The following ZDHHC21 variants were observed in gnomAD, a reference collection of about 807,000 sequenced individuals.
The protein encoded by ZDHHC21 is zDHHC palmitoyltransferase 21, also known as palmitoyltransferase ZDHHC21.
In ZDHHC21, 15 loss-of-function variants were observed where a neutral mutation model predicts 34.6. That is an observed-to-expected ratio of 0.43 (90% confidence interval 0.29 to 0.67). The LOEUF (loss-of-function observed/expected upper bound fraction) is 0.67, where lower values mean the gene tolerates loss of function less well. ZDHHC21 is among the 30% of genes least tolerant of loss of function. ZDHHC21 has a pLI of 0.14. For synonymous variants in ZDHHC21, 142 were observed against 101.8 expected, an observed-to-expected ratio of 1.40 and a Z score of -2.38; for missense variants, 344 against 327.7, an observed-to-expected ratio of 1.05 and a Z score of -0.38.
rs1287171303 is a variant in ZDHHC21 at position 14,615,193 on chromosome 9, C to T, written c.*3773G>A. On this transcript the variant is annotated 3_prime_UTR_variant, in exon 10 of 10. Coordinates refer to ENST00000380916, the MANE Select transcript of ZDHHC21 (RefSeq NM_178566.6). ...TTCCTGGTTTGAAGTGTTGTCCTAA[C>T]TTAAGTCTTCATGATTAGCATTCAG... 6.6e-6 allele frequency: 1 copy of T among 151,754 alleles called. No individual in the cohort carries two copies. Among genetic ancestry groups the T allele is most frequent in the South Asian group, 2.1e-4 (1 of 4,836 alleles). The allele number at this position is 151,754 out of a possible 1,614,324, so 9.4% of individuals were successfully genotyped here.
chr9:14,596,337 C>G, the ZDHHC21 span, among the ~76,000 whole-genome samples: 2 of 152,198 alleles, frequency 1.3e-5, no homozygotes. Context: ...CATGAGGCTG[C>G]GCCCCAAGCA....
At chr9:14,605,524 A>G in the ZDHHC21 span, among the ~76,000 whole-genome samples, 1 of 151,934 alleles carries the variant, frequency 6.6e-6, no homozygotes, top group Non-Finnish European at 1.5e-5. Flanking sequence ...CCATTATTTA[A>G]TCAGTCTTTA....
chr9:14,612,393 C>A lies in ZDHHC21; in HGVS notation c.*6573G>T, dbSNP rs965594090. 3.9e-5 allele frequency: 6 copies of A among 151,930 alleles called. No homozygotes were observed. The highest frequency in any genetic ancestry group is 1.4e-4 in the African/African-American group (6 of 41,384). 9.4% of individuals were successfully genotyped at this position (151,930 alleles called of 1,614,324 possible). A position where few individuals can be genotyped will look rare whatever the true frequency, so the allele number is the denominator to read the frequency against. On this transcript the variant is annotated 3_prime_UTR_variant, in exon 10 of 10. Coordinates refer to ENST00000380916, the MANE Select transcript of ZDHHC21 (RefSeq NM_178566.6). ...CATTTTAGCTGCAGTTGTAAGGACA[C>A]TGAGTGTTTTGAGAATTTTAAAGGG...
At chr9:14,604,105 T>C in the ZDHHC21 span, among the ~76,000 whole-genome samples, 2 of 152,270 alleles carry the variant, frequency 1.3e-5, no homozygotes, top group Non-Finnish European at 2.9e-5. Context: ...GAAAAACTCA[T>C]TACATAGGGT....
intron 5 of ZDHHC21, among the ~76,000 whole-genome samples, chr9:14,665,580 G>A (rs141120302): frequency 0.44 from 65,388 of 148,576 alleles, 14,697 homozygotes; most frequent in African/African-American, 0.54. Context: ...AGGAAAAAAT[G>A]TTAAGGGCAG....
chr9:14,659,298 T>C (rs962348947), intron 6 of ZDHHC21, among the ~76,000 whole-genome samples: 3 of 152,200 alleles, frequency 2.0e-5, no homozygotes, highest in Admixed American at 6.5e-5. Context: ...ATTCTAGCTG[T>C]GAAAAGCAAT....
At chr9:14,602,145 A>G in the ZDHHC21 span, among the ~76,000 whole-genome samples, 1 of 151,912 alleles carries the variant, frequency 6.6e-6, no homozygotes, top group Non-Finnish European at 1.5e-5. Flanking sequence ...TTAAAGTATA[A>G]TAATAATAAT....
intron 2 of ZDHHC21, among the ~76,000 whole-genome samples, chr9:14,680,663 T>C (rs528974185): frequency 6.6e-6 from 1 of 152,312 alleles, no homozygotes; most frequent in East Asian, 1.9e-4. Context: ...AAGTACTGTA[T>C]ATAACATATA....
Position 14,639,985 on chromosome 9 carries a change from C to T in ZDHHC21, c.532G>A (p.Ala178Thr). The T allele has an allele frequency of 6.2e-7, 1 of 1,603,142 alleles. No individual in the cohort carries two copies. Among genetic ancestry groups the T allele is most frequent in the Non-Finnish European group, 8.5e-7 (1 of 1,174,572 alleles). The change falls in exon 8 of 10, where the codon GCC becomes ACC. Residue 178 changes from alanine (A) to threonine (T), a missense_variant. Ala to Thr is a moderately conservative substitution (Grantham distance 58). Transcript: ENST00000380916. Reference sequence around the variant, plus strand: ...ATAAAGGCTGCTAGTCTCATTATGGCCAATTCATGTCTAAAAACAAAGAGG... The same window carrying T: ...ATAAAGGCTGCTAGTCTCATTATGGTCAATTCATGTCTAAAAACAAAGAGG... ...LDLFVFRHEL[A>T]IMRLAAFMGI...
chr9:14,679,167 T>A lies in ZDHHC21; in HGVS notation c.-46+866A>T, dbSNP rs149501034. Among the ~76,000 whole-genome samples, 91 of 152,214 alleles carry A rather than the reference T, an allele frequency of 6.0e-4. No homozygotes were observed. The Middle Eastern group carries it at 0.017, about 28-fold the overall frequency. Reference sequence around the variant, plus strand: ...TTACCTTTAAGAATCTGTAAACCAATACAGAGATCTAGTTAGCAATATGTA... The same window carrying A: ...TTACCTTTAAGAATCTGTAAACCAAAACAGAGATCTAGTTAGCAATATGTA... On this transcript the variant is annotated intron_variant, in intron 3 of 9. Transcript: ENST00000380916.
At position 14,613,597 on chromosome 9, in the gene ZDHHC21, T is replaced by A. The variant is rs539046181; in HGVS notation, c.*5369A>T. On this transcript the variant is annotated 3_prime_UTR_variant, in exon 10 of 10. Transcript: ENST00000380916. ...GCATCTTTGTTTATATATAAAGCTA[T>A]CGATACCAAAAAAATCAGTGTTGAA... is the stretch of plus-strand genomic sequence containing the variant. 3.3e-5 allele frequency: 5 copies of A among 151,810 alleles called. 1 individual carries two copies. The South Asian group carries it at 1.0e-3, about 31-fold the overall frequency. The allele number at this position is 151,810 out of a possible 1,614,324, so 9.4% of individuals were successfully genotyped here. A position where few individuals can be genotyped will look rare whatever the true frequency, so the allele number is the denominator to read the frequency against.
intron 2 of ZDHHC21, among the ~76,000 whole-genome samples, chr9:14,687,613 A>G (rs1262257325): frequency 6.6e-6 from 1 of 150,866 alleles, no homozygotes; most frequent in Non-Finnish European, 1.5e-5. Flanking sequence ...AGGAGGCAGA[A>G]GCCGCAGTGA....
chr9:14,632,804 T>C (rs10961626), intron 8 of ZDHHC21, among the ~76,000 whole-genome samples: 57,609 of 151,608 alleles, frequency 0.38, 11,280 homozygotes, highest in Non-Finnish European at 0.44. Context: ...TCCAAAGATA[T>C]ACAAATGGAC....
Position 14,617,423 on chromosome 9 carries a change from T to C in ZDHHC21, c.*1543A>G, listed in dbSNP as rs1564184342. ...AATATGCTACAAGATATTTACAATT[T>C]CTGAAAGAACTAACCACAGTATAGC... On this transcript the variant is annotated 3_prime_UTR_variant, in exon 10 of 10. Coordinates refer to ENST00000380916, the MANE Select transcript of ZDHHC21 (RefSeq NM_178566.6). The C allele has an allele frequency of 1.3e-5, 2 of 152,012 alleles. No individual in the cohort carries two copies. The highest frequency in any genetic ancestry group is 1.5e-5 in the Non-Finnish European group (1 of 67,942). 9.4% of individuals were successfully genotyped at this position (152,012 alleles called of 1,614,324 possible).
intron 5 of ZDHHC21, among the ~76,000 whole-genome samples, chr9:14,663,135 C>T (rs74606971): frequency 0.021 from 3,264 of 152,128 alleles, 59 homozygotes; most frequent in Middle Eastern, 0.048. Context: ...TAATTAGGTC[C>T]GCGAAAACTA....
At chr9:14,607,202 G>C (rs1484511340), downstream of ZDHHC21, among the ~76,000 whole-genome samples, 1 of 151,856 alleles carries the variant, frequency 6.6e-6, no homozygotes, top group Non-Finnish European at 1.5e-5. Context: ...TCATCAAGCA[G>C]TTTGTGAGGC....
chr9:14,607,606 A>G (rs1823054587), downstream of ZDHHC21, among the ~76,000 whole-genome samples: 1 of 149,836 alleles, frequency 6.7e-6, no homozygotes, highest in African/African-American at 2.5e-5. Flanking sequence ...CTAGACGGTG[A>G]TAAGTGCTAT....
At chr9:14,631,498 G>A (rs1827338841) in intron 8 of ZDHHC21, among the ~76,000 whole-genome samples, 1 of 152,168 alleles carries the variant, frequency 6.6e-6, no homozygotes, top group Admixed American at 6.5e-5. Context: ...TGTACGTTCT[G>A]TGAAGTAGCA....
downstream of ZDHHC21, among the ~76,000 whole-genome samples, chr9:14,609,519 T>G (rs764526621): frequency 6.6e-6 from 1 of 152,066 alleles, no homozygotes; most frequent in African/African-American, 2.4e-5. Context: ...CACATGAAAA[T>G]TAGAATTCTG....
Sources: gnomAD v4.1 joint callset for allele counts (sites outside exome capture counted in the v4.1 genomes callset) on GRCh38, gnomAD v4.1.1 for gene constraint, MANE v1.5 for transcripts, NCBI Gene and HGNC (gene_info 2026-07-23, HGNC 2026-07-21) for gene names.